HCN1: variants seen among roughly 807,000 people sequenced by gnomAD.
HCN1 encodes hyperpolarization activated cyclic nucleotide gated potassium channel 1.
HCN1 carries 13 observed loss-of-function variants against 78.9 expected under a neutral mutation model. The ratio of observed to expected loss-of-function variants is 0.16; its 90% CI spans 0.11 to 0.26. The LOEUF (loss-of-function observed/expected upper bound fraction) is 0.26, where lower values mean the gene tolerates loss of function less well. Among genes scored for constraint, HCN1 ranks in the 10% least tolerant of loss-of-function variants. HCN1 has a pLI of 1.00. For synonymous variants in HCN1, 552 were observed against 455.5 expected, an observed-to-expected ratio of 1.21 and a Z score of -2.70; for missense variants, 810 against 1,154.3, an observed-to-expected ratio of 0.70 and a Z score of 4.32.
In HCN1 at chr5:45,551,575, T is replaced by C. The variant is rs1743371367; in HGVS notation, c.850-89568A>G. Among the ~76,000 whole-genome samples the C allele has an allele frequency of 2.6e-5, 4 of 152,032 alleles. 1 individual carries two copies. The highest frequency in any genetic ancestry group is 3.4e-3 in the Middle Eastern group (1 of 294). On this transcript the variant is annotated intron_variant, in intron 2 of 7. Coordinates refer to ENST00000303230, the MANE Select transcript of HCN1 (RefSeq NM_021072.4). ...TTTTCTTTATTTTCAAAAAAGAAGGTAAAATACTGCCTCACAAAGGGCATT... is the reference window on the plus strand; with the variant it reads ...TTTTCTTTATTTTCAAAAAAGAAGGCAAAATACTGCCTCACAAAGGGCATT...
chr5:45,312,479 G>T (rs940066398), intron 5 of HCN1, among the ~76,000 whole-genome samples: 7 of 152,156 alleles, frequency 4.6e-5, no homozygotes, highest in Non-Finnish European at 1.0e-4. Context: ...TCCAACTGAG[G>T]TACCGGGTTC....
intron 1 of HCN1, among the ~76,000 whole-genome samples, chr5:45,660,746 G>A (rs1202195561): frequency 7.0e-4 from 86 of 123,266 alleles, no homozygotes; most frequent in African/African-American, 2.5e-3. Flanking sequence ...TTCAACAAGA[G>A]GAGCTAACTA....
intron 3 of HCN1, among the ~76,000 whole-genome samples, chr5:45,413,147 G>C (rs1277189310): frequency 1.3e-5 from 2 of 151,942 alleles, no homozygotes; most frequent in African/African-American, 4.8e-5. Flanking sequence ...AATTCCATTT[G>C]GGGAATAAAA....
chr5:45,497,898 A>C (rs1348261369), intron 2 of HCN1, among the ~76,000 whole-genome samples: 1 of 152,190 alleles, frequency 6.6e-6, no homozygotes, highest in Non-Finnish European at 1.5e-5. Context: ...TTCTTTAAGA[A>C]TGTTGAATAT....
chr5:45,445,703 G>A (rs1444403198), intron 3 of HCN1, among the ~76,000 whole-genome samples: 1 of 152,086 alleles, frequency 6.6e-6, no homozygotes, highest in South Asian at 2.1e-4. Flanking sequence ...CCAGAGGAAG[G>A]ATCAGACAGC....
At chr5:45,534,098 G>T (rs1360294871) in intron 2 of HCN1, among the ~76,000 whole-genome samples, 1 of 151,840 alleles carries the variant, frequency 6.6e-6, no homozygotes, top group Non-Finnish European at 1.5e-5. Context: ...TCCATATTGT[G>T]CACTGCAAGA....
intron 2 of HCN1, among the ~76,000 whole-genome samples, chr5:45,563,844 C>A (rs1743654392): frequency 6.6e-6 from 1 of 152,132 alleles, no homozygotes; most frequent in South Asian, 2.1e-4. Context: ...GCTGAAAAAT[C>A]TGAGTCCCAA....
intron 6 of HCN1, among the ~76,000 whole-genome samples, chr5:45,284,406 T>C (rs746172635): frequency 4.6e-5 from 7 of 152,118 alleles, no homozygotes; most frequent in Non-Finnish European, 8.8e-5. Context: ...ATTGCATTTA[T>C]ATAAATTGCA....
At chr5:45,363,112 C>T (rs1747153864) in intron 4 of HCN1, among the ~76,000 whole-genome samples, 1 of 138,828 alleles carries the variant, frequency 7.2e-6, no homozygotes, top group African/African-American at 2.7e-5. Context: ...ATAATATTTA[C>T]ATATTATATA....
intron 1 of HCN1, among the ~76,000 whole-genome samples, chr5:45,683,173 G>T (rs1739737160): frequency 6.7e-6 from 1 of 150,062 alleles, no homozygotes; most frequent in African/African-American, 2.4e-5. Flanking sequence ...ACCTAACTTT[G>T]GATTTAACTT....
intron 1 of HCN1, among the ~76,000 whole-genome samples, chr5:45,666,717 T>C (rs1316891936): frequency 6.6e-6 from 1 of 152,092 alleles, no homozygotes; most frequent in African/African-American, 2.4e-5. Flanking sequence ...ATCACCATTG[T>C]CTATCTAACA....
chr5:45,628,842 G>A (rs1480686998), intron 2 of HCN1, among the ~76,000 whole-genome samples: 1 of 151,812 alleles, frequency 6.6e-6, no homozygotes, highest in Non-Finnish European at 1.5e-5. Context: ...GCATGCTGGT[G>A]GGTGCCTGTA....
intron 1 of HCN1, among the ~76,000 whole-genome samples, chr5:45,657,179 ACACCAATC>A: frequency 6.6e-6 from 1 of 152,290 alleles, no homozygotes; most frequent in African/African-American, 2.4e-5. Context: ...TGAGCAATTC[ACACCAATC>A]CTACAGCATA....
chr5:45,319,384 G>A (rs1217366836), intron 5 of HCN1, among the ~76,000 whole-genome samples: 1 of 151,898 alleles, frequency 6.6e-6, no homozygotes, highest in Non-Finnish European at 1.5e-5. Flanking sequence ...TGGTGGGTAA[G>A]TCGACATATC....
chr5:45,375,155 ATATAT>A (rs1168942353), intron 4 of HCN1, among the ~76,000 whole-genome samples: 2 of 121,824 alleles, frequency 1.6e-5, no homozygotes, highest in Non-Finnish European at 3.2e-5. Context: ...ATAATGTATT[ATATAT>A]AATATATTTT....
chr5:45,480,401 T>A (rs1015605505), intron 2 of HCN1, among the ~76,000 whole-genome samples: 8 of 152,194 alleles, frequency 5.3e-5, no homozygotes, highest in East Asian at 1.9e-4. Flanking sequence ...ACATATTTTT[T>A]AAATAACAAT....
intron 2 of HCN1, among the ~76,000 whole-genome samples, chr5:45,504,178 GC>G (rs761221262): frequency 7.2e-5 from 11 of 152,044 alleles, no homozygotes; most frequent in African/African-American, 1.2e-4. Context: ...GTATACATGT[GC>G]CATGTTGGTG....
chr5:45,297,391 G>A (rs78666593), intron 6 of HCN1, among the ~76,000 whole-genome samples: 3 of 152,084 alleles, frequency 2.0e-5, no homozygotes, highest in East Asian at 1.9e-4. Flanking sequence ...TTACAGTGCT[G>A]CAGAGATTTC....
chr5:45,293,741 T>C (rs917706300), intron 6 of HCN1, among the ~76,000 whole-genome samples: 1 of 152,016 alleles, frequency 6.6e-6, no homozygotes, highest in Non-Finnish European at 1.5e-5. Context: ...ATAAATGACT[T>C]TATAAAGACA....
Sources: gnomAD v4.1 joint callset for allele counts (sites outside exome capture counted in the v4.1 genomes callset) on GRCh38, gnomAD v4.1.1 for gene constraint, MANE v1.5 for transcripts, NCBI Gene and HGNC (gene_info 2026-07-23, HGNC 2026-07-21) for gene names.